Variants in CDH10 observed in about 807,000 individuals in gnomAD.
CDH10 encodes cadherin-10.
CDH10 carries 30 observed loss-of-function variants against 73.1 expected under a neutral mutation model. The observed-to-expected ratio is 0.41, with a 90% confidence interval of 0.31 to 0.56. CDH10 has a LOEUF of 0.56. CDH10 is among the 20% of genes least tolerant of loss of function. CDH10 has a pLI of 0.27. For missense variants in CDH10, 815 were observed against 973.7 expected, an observed-to-expected ratio of 0.84 and a Z score of 2.17; for synonymous variants, 345 against 348.2, an observed-to-expected ratio of 0.99 and a Z score of 0.10.
chr5:24,575,343 C>T (rs1431791944), intron 2 of CDH10, among the ~76,000 whole-genome samples: 2 of 44,952 alleles, frequency 4.4e-5, no homozygotes, highest in East Asian at 1.0e-3. Flanking sequence ...GCCTGGGCAA[C>T]AACAAAAACA....
At chr5:24,628,315 A>C (rs1041372815) in intron 1 of CDH10, among the ~76,000 whole-genome samples, 1 of 152,206 alleles carries the variant, frequency 6.6e-6, no homozygotes, top group African/African-American at 2.4e-5. Flanking sequence ...CAATCAACCC[A>C]AAACCATGAT....
At chr5:24,499,486 G>C (rs1276662281) in intron 8 of CDH10, 2 of 152,472 alleles carry the variant, frequency 1.3e-5, no homozygotes, top group Non-Finnish European at 2.9e-5. Context: ...AGGAGTTCGA[G>C]ACCAGCCTGG....
At chr5:24,584,746 G>A (rs1399540200) in intron 2 of CDH10, among the ~76,000 whole-genome samples, 4 of 151,980 alleles carry the variant, frequency 2.6e-5, no homozygotes, top group Admixed American at 2.6e-4. Flanking sequence ...TGGGATTACA[G>A]GTGTGAGCTA....
intron 5 of CDH10, among the ~76,000 whole-genome samples, chr5:24,520,691 A>G (rs1011128352): frequency 6.6e-6 from 1 of 152,174 alleles, no homozygotes. Flanking sequence ...TAGAAAATTT[A>G]AAACAAACAA....
intron 6 of CDH10, among the ~76,000 whole-genome samples, chr5:24,510,989 AT>A (rs1371316547): frequency 1.3e-5 from 2 of 152,204 alleles, no homozygotes; most frequent in African/African-American, 2.4e-5. Flanking sequence ...GGGATGATAT[AT>A]TGCCATTATT....
At chr5:24,574,865 G>C (rs1320635033) in intron 2 of CDH10, among the ~76,000 whole-genome samples, 1 of 151,202 alleles carries the variant, frequency 6.6e-6, no homozygotes, top group Non-Finnish European at 1.5e-5. Context: ...AACAAAACTA[G>C]ACGGTACAAA....
At chr5:24,632,249 T>G (rs2112198976) in intron 1 of CDH10, among the ~76,000 whole-genome samples, 1 of 152,212 alleles carries the variant, frequency 6.6e-6, no homozygotes, top group South Asian at 2.1e-4. Context: ...CAAAAAACCT[T>G]TGCCCTAAAA....
rs1426184824 is a variant in CDH10, at chr5:24,517,719, G to A, written c.815-6205C>T. Among the ~76,000 whole-genome samples, 3 of 152,270 alleles carry A rather than the reference G, an allele frequency of 2.0e-5. 1 individual carries two copies. The highest frequency in any genetic ancestry group is 7.2e-5 in the African/African-American group (3 of 41,572). ...TCAAGTCCAAATTGAAGGGAAATGAGAGCCTAGAGAAGTAAGTGAAAAGCT... is the reference window on the plus strand; with the variant it reads ...TCAAGTCCAAATTGAAGGGAAATGAAAGCCTAGAGAAGTAAGTGAAAAGCT... On this transcript the variant is annotated intron_variant, in intron 5 of 11. Coordinates refer to ENST00000264463, the MANE Select transcript of CDH10 (RefSeq NM_006727.5).
At chr5:24,620,843 A>C (rs1217438643) in intron 1 of CDH10, among the ~76,000 whole-genome samples, 1 of 152,196 alleles carries the variant, frequency 6.6e-6, no homozygotes, top group Non-Finnish European at 1.5e-5. Flanking sequence ...AAAATAAACA[A>C]ATCCCATAAA....
intron 2 of CDH10, among the ~76,000 whole-genome samples, chr5:24,559,137 G>C (rs1403783738): frequency 8.9e-6 from 1 of 112,574 alleles, no homozygotes; most frequent in Non-Finnish European, 1.9e-5. Context: ...ACACAAATAT[G>C]CTGTCAGGAA....
intron 11 of CDH10, among the ~76,000 whole-genome samples, chr5:24,488,578 C>A (rs1272096407): frequency 6.6e-6 from 1 of 152,014 alleles, no homozygotes; most frequent in Non-Finnish European, 1.5e-5. Context: ...ACGATGCTTA[C>A]TTTTTTCAAA....
chr5:24,600,213 ATGT>A (rs1166030958), intron 1 of CDH10, among the ~76,000 whole-genome samples: 1 of 152,160 alleles, frequency 6.6e-6, no homozygotes, highest in African/African-American at 2.4e-5. Flanking sequence ...AATCCGAAAC[ATGT>A]TATTAGTTGT....
chr5:24,548,311 G>A lies in CDH10; in HGVS notation c.232-10637C>T, dbSNP rs1326775699. ...CCCCATGTATTTTTAGTAGAGATGG[G>A]GGTTCACCATGTTGGCCAGGCTGGT... On this transcript the variant is annotated intron_variant, in intron 2 of 11. Coordinates refer to ENST00000264463, the MANE Select transcript of CDH10 (RefSeq NM_006727.5). Among the ~76,000 whole-genome samples, 5 of 151,820 alleles carry A rather than the reference G, an allele frequency of 3.3e-5. No homozygotes were observed. In the East Asian group the frequency reaches 9.8e-4, roughly 30 times the overall value.
intron 1 of CDH10, among the ~76,000 whole-genome samples, chr5:24,597,969 C>T (rs548765419): frequency 5.9e-5 from 9 of 151,512 alleles, no homozygotes; most frequent in African/African-American, 9.7e-5. Flanking sequence ...TAAGAGTAAT[C>T]GAAAATGCTA....
chr5:24,496,545 G>A (rs1742295381), intron 9 of CDH10, among the ~76,000 whole-genome samples: 2 of 152,174 alleles, frequency 1.3e-5, no homozygotes, highest in South Asian at 2.1e-4. Flanking sequence ...CAAGAGCAGG[G>A]AATGGTCATT....
rs1414510777 is a variant in CDH10 at position 24,511,229 on chromosome 5, A to G, written c.1002+98T>C. On this transcript the variant is annotated intron_variant, in intron 6 of 11. Coordinates refer to ENST00000264463, the MANE Select transcript of CDH10 (RefSeq NM_006727.5). ...ATAAATTACATTGCTGGAAAATTAGAGTAGTATTTCCCAATGGATCATTCA... is the reference window on the plus strand; with the variant it reads ...ATAAATTACATTGCTGGAAAATTAGGGTAGTATTTCCCAATGGATCATTCA... 6.7e-6 allele frequency: 5 copies of G among 751,028 alleles called. No individual in the cohort carries two copies. In the African/African-American group the frequency reaches 7.0e-5, roughly 10 times the overall value. The allele number at this position is 751,028 out of a possible 1,614,324, so 46.5% of individuals were successfully genotyped here.
chr5:24,528,627 G>T (rs1210925324), intron 5 of CDH10, among the ~76,000 whole-genome samples: 1 of 151,950 alleles, frequency 6.6e-6, no homozygotes. Context: ...TTTGGTCCTT[G>T]GATATTGCAA....
intron 2 of CDH10, among the ~76,000 whole-genome samples, chr5:24,590,592 G>A (rs1026946867): frequency 6.6e-6 from 1 of 152,004 alleles, no homozygotes; most frequent in Non-Finnish European, 1.5e-5. Flanking sequence ...CCAATGAGCA[G>A]TAATGGGATT....
chr5:24,504,808 G>A (rs1742644375), intron 8 of CDH10, among the ~76,000 whole-genome samples: 1 of 151,978 alleles, frequency 6.6e-6, no homozygotes, highest in Non-Finnish European at 1.5e-5. Context: ...ACAGGCGTGA[G>A]CCACCGTGCC....
Sources: allele counts gnomAD v4.1 joint callset (sites outside exome capture counted in the v4.1 genomes callset), GRCh38; gene constraint gnomAD v4.1.1; transcripts MANE v1.5; gene names NCBI Gene and HGNC (gene_info 2026-07-23, HGNC 2026-07-21).